CFAP77: variants seen among roughly 807,000 people sequenced by gnomAD.
CFAP77 encodes the protein cilia- and flagella-associated protein 77.
CFAP77 carries 25 observed loss-of-function variants against 31.1 expected under a neutral mutation model. The ratio of observed to expected loss-of-function variants is 0.80; its 90% CI spans 0.59 to 1.12. CFAP77 has a LOEUF of 1.12. Ranked by LOEUF, CFAP77 falls within the 50% of genes most tolerant of loss-of-function variation. The pLI is 0.00. For missense variants in CFAP77, 377 were observed against 397.3 expected (o/e 0.95, Z 0.44); for synonymous variants, 151 against 159.9 (o/e 0.94, Z 0.42).
chr9:132,535,636 C>G (rs1172040556), intron 3 of CFAP77, among the ~76,000 whole-genome samples: 3 of 152,082 alleles, frequency 2.0e-5, no homozygotes. Flanking sequence ...TCACTTGAAC[C>G]TGGGAGGCAA....
chr9:132,521,448 G>A (rs973875208), intron 3 of CFAP77, among the ~76,000 whole-genome samples: 1 of 152,196 alleles, frequency 6.6e-6, no homozygotes, highest in African/African-American at 2.4e-5. Flanking sequence ...GAGATTTGGA[G>A]AGGACAACCC....
intron 4 of CFAP77, among the ~76,000 whole-genome samples, chr9:132,542,687 A>C (rs1852665543): frequency 1.3e-5 from 2 of 152,284 alleles, no homozygotes; most frequent in East Asian, 3.9e-4. Flanking sequence ...CTGGAATCCC[A>C]CATGTTCCAG....
chr9:132,518,807 C>T (rs1159518249), intron 3 of CFAP77, among the ~76,000 whole-genome samples: 2 of 152,242 alleles, frequency 1.3e-5, no homozygotes, highest in African/African-American at 4.8e-5. Flanking sequence ...TAACCTTTCT[C>T]TCCTCTGAGC....
At chr9:132,559,915 G>A (rs1203821801) in intron 5 of CFAP77, among the ~76,000 whole-genome samples, 1 of 152,170 alleles carries the variant, frequency 6.6e-6, no homozygotes, top group Non-Finnish European at 1.5e-5. Context: ...GGGAATGAAA[G>A]CAGCCAGTCA....
chr9:132,533,886 G>T (rs1852499882), intron 3 of CFAP77, among the ~76,000 whole-genome samples: 1 of 151,210 alleles, frequency 6.6e-6, no homozygotes, highest in Non-Finnish European at 1.5e-5. Flanking sequence ...ATCTCAAAAA[G>T]AAAAAAAAGG....
chr9:132,443,541 C>G (rs1385938458), intron 1 of CFAP77, among the ~76,000 whole-genome samples: 1 of 152,178 alleles, frequency 6.6e-6, no homozygotes, highest in African/African-American at 2.4e-5. Flanking sequence ...GGATGAGCCA[C>G]TGCACCCGGC....
intron 1 of CFAP77, among the ~76,000 whole-genome samples, chr9:132,422,886 C>T (rs1446912415): frequency 2.0e-5 from 3 of 152,186 alleles, no homozygotes; most frequent in African/African-American, 7.2e-5. Flanking sequence ...CATCCTGGTC[C>T]CCAACCAGGC....
intron 1 of CFAP77, chr9:132,482,496 C>G (rs936028539): frequency 9.5e-7 from 1 of 1,057,714 alleles, no homozygotes; most frequent in African/African-American, 1.6e-5. Context: ...TTCCGCACAC[C>G]TACTGCGTGC....
intron 1 of CFAP77, among the ~76,000 whole-genome samples, chr9:132,443,047 T>C (rs1850640459): frequency 6.6e-6 from 1 of 152,198 alleles, no homozygotes; most frequent in Non-Finnish European, 1.5e-5. Context: ...GGATATTGTA[T>C]ATAAAGGGAA....
intron 1 of CFAP77, among the ~76,000 whole-genome samples, chr9:132,448,160 T>TACACACACGCACACATGCACAC (rs1394221374): frequency 2.0e-5 from 3 of 151,006 alleles, no homozygotes; most frequent in African/African-American, 2.4e-5. Context: ...TGGATCAAGA[T>TACACACACGCACACATGCACAC]ACACACACGC....
intron 1 of CFAP77, among the ~76,000 whole-genome samples, chr9:132,469,408 GA>G (rs1401500263): frequency 6.6e-6 from 1 of 152,162 alleles, no homozygotes; most frequent in Non-Finnish European, 1.5e-5. Flanking sequence ...TGTGCGTGTG[GA>G]TTATCACTTC....
intron 1 of CFAP77, among the ~76,000 whole-genome samples, chr9:132,447,442 G>T (rs1850745125): frequency 6.6e-6 from 1 of 152,222 alleles, no homozygotes; most frequent in African/African-American, 2.4e-5. Context: ...GCAGACTTCA[G>T]ACTAGTGTAA....
intron 1 of CFAP77, among the ~76,000 whole-genome samples, chr9:132,463,921 A>G (rs1267021712): frequency 2.0e-5 from 3 of 152,184 alleles, no homozygotes; most frequent in Non-Finnish European, 2.9e-5. Flanking sequence ...GTGTGGGTGG[A>G]TTCCACTCCA....
intron 3 of CFAP77, 36 bp from the exon 4 acceptor site, chr9:132,537,564 CG>C (rs1371751792): frequency 6.5e-7 from 1 of 1,537,766 alleles, no homozygotes. Flanking sequence ...CTGGTCTTTC[CG>C]GGGCCTCAAG....
At chr9:132,438,865 T>TTTTTC (rs746589788) in intron 1 of CFAP77, among the ~76,000 whole-genome samples, 2 of 150,580 alleles carry the variant, frequency 1.3e-5, no homozygotes, top group Non-Finnish European at 3.0e-5. Context: ...TGTTTTTTCT[T>TTTTTC]TTTTCTTTTC....
chr9:132,568,159 G>A (rs1829909638), intron 5 of CFAP77, among the ~76,000 whole-genome samples: 1 of 152,148 alleles, frequency 6.6e-6, no homozygotes, highest in Admixed American at 6.5e-5. Flanking sequence ...GGCTGCCAGG[G>A]ACTTGGAAAT....
chr9:132,519,544 G>A (rs62649749), intron 3 of CFAP77, among the ~76,000 whole-genome samples: 20 of 52,372 alleles, frequency 3.8e-4, no homozygotes, highest in South Asian at 7.5e-4. Context: ...GGATGGGTGG[G>A]TAGATGGATG....
In CFAP77 at chr9:132,517,238, C is replaced by T. The variant is rs1472828057; in HGVS notation, c.524+17638C>T. On this transcript the variant is annotated intron_variant, in intron 3 of 5. Transcript: ENST00000393216. This position sits in a 1 kb window ranked among gnomAD's most constrained non-coding sequence, Gnocchi z 4.7. The stretch of plus-strand genomic sequence containing the variant: ...CAGAGGCCACCATCCGCCCCTCCGT[C>T]CCTTCTCAGCTGCGAGGGTGCCAGC... 6.6e-6 allele frequency among the ~76,000 whole-genome samples: 1 copy of T among 152,226 alleles called. No individual in the cohort carries two copies. The highest frequency in any genetic ancestry group is 1.5e-5 in the Non-Finnish European group (1 of 68,048).
chr9:132,531,533 G>A (rs561181500), intron 3 of CFAP77, among the ~76,000 whole-genome samples: 40 of 151,180 alleles, frequency 2.6e-4, no homozygotes, highest in Admixed American at 2.2e-3. Flanking sequence ...GTGGGGGATG[G>A]CATGAATGTC....
Sources: allele counts gnomAD v4.1 joint callset (sites outside exome capture counted in the v4.1 genomes callset), GRCh38; gene constraint gnomAD v4.1.1; non-coding constraint Gnocchi (gnomAD v3.1); transcripts MANE v1.5; gene names NCBI Gene and HGNC (gene_info 2026-07-23, HGNC 2026-07-21).